The following ROBO2 variants were observed in gnomAD, a reference collection of about 807,000 sequenced individuals.
ROBO2 encodes the protein roundabout guidance receptor 2, also known as roundabout homolog 2.
In ROBO2, 53 loss-of-function variants were observed where a neutral mutation model predicts 160.8. That is an observed-to-expected ratio of 0.33 (90% CI 0.26 to 0.41). The LOEUF (loss-of-function observed/expected upper bound fraction) is 0.41. Ranked by LOEUF, ROBO2 falls within the 10% of genes least tolerant of loss-of-function variation. The pLI is 1.00. For synonymous variants in ROBO2, 664 were observed against 611.7 expected, an observed-to-expected ratio of 1.09 and a Z score of -1.26; for missense variants, 1,577 against 1,722.4, an observed-to-expected ratio of 0.92 and a Z score of 1.49.
intron 2 of ROBO2, among the ~76,000 whole-genome samples, chr3:76,629,819 A>G (rs1167239427): frequency 6.6e-6 from 1 of 152,216 alleles, no homozygotes; most frequent in Non-Finnish European, 1.5e-5. Context: ...TAGTAATATA[A>G]TCTAAGTGAA....
At chr3:76,904,021 T>C (rs1163017173) in intron 2 of ROBO2, among the ~76,000 whole-genome samples, 2 of 152,166 alleles carry the variant, frequency 1.3e-5, no homozygotes, top group Non-Finnish European at 2.9e-5. Context: ...CAGTCTCTAT[T>C]ACCTTCACAA....
chr3:76,818,320 TC>T (rs1379508277), intron 2 of ROBO2, among the ~76,000 whole-genome samples: 12 of 151,962 alleles, frequency 7.9e-5, no homozygotes, highest in African/African-American at 2.9e-4. Context: ...CCTGTCCTTA[TC>T]CCACTTTTTG....
At chr3:77,306,879 T>C (rs1162452465) in intron 2 of ROBO2, among the ~76,000 whole-genome samples, 1 of 152,180 alleles carries the variant, frequency 6.6e-6, no homozygotes, top group Non-Finnish European at 1.5e-5. Flanking sequence ...GTCATGCTAA[T>C]AGTGTTTCGC....
At position 76,831,105 on chromosome 3, in the gene ROBO2, C is replaced by A. The variant is rs1042662927; in HGVS notation, c.110-266909C>A. On this transcript the variant is annotated intron_variant, in intron 2 of 26. Transcript: ENST00000487694. ...CAGCATTTATCACAGTTTGCTAGGT[C>A]TTCTTCAATGAATTTTTGAGTCCAA... Among the ~76,000 whole-genome samples, 4 of 152,234 alleles carry A rather than the reference C, an allele frequency of 2.6e-5. No individual in the cohort carries two copies. In the South Asian group the frequency reaches 8.3e-4, roughly 32 times the overall value.
chr3:76,874,190 GTTGT>G (rs1011465959), intron 2 of ROBO2, among the ~76,000 whole-genome samples: 2 of 149,502 alleles, frequency 1.3e-5, no homozygotes, highest in African/African-American at 2.5e-5. Context: ...GTAAAAGTTG[GTTGT>G]TTGTTTTCAG....
Position 76,943,702 on chromosome 3 carries a change from CT to C in ROBO2, c.110-154303del, listed in dbSNP as rs201248243. On this transcript the variant is annotated intron_variant, in intron 2 of 26. Transcript: ENST00000487694. ...AGAAAAGCCACTGTTTGTATCAGTA[CT>C]TTTTTTTTCTACTGGTTCCTTGAAA... Among the ~76,000 whole-genome samples the C allele has an allele frequency of 2.6e-5, 4 of 151,750 alleles. No homozygotes were observed. The South Asian group carries it at 6.3e-4, about 24-fold the overall frequency.
chr3:76,161,869 C>T (rs992321897), intron 2 of ROBO2, among the ~76,000 whole-genome samples: 1 of 152,146 alleles, frequency 6.6e-6, no homozygotes, highest in Admixed American at 6.5e-5. Context: ...CAGTAGCTGT[C>T]ATACATCATA....
At chr3:76,685,210 T>G (rs1020496) in intron 2 of ROBO2, among the ~76,000 whole-genome samples, 70,320 of 139,480 alleles carry the variant, frequency 0.5, 17,681 homozygotes, top group East Asian at 0.74. Flanking sequence ...TTTTTTTTTT[T>G]CCAGTAATTT....
At chr3:76,686,176 T>C (rs1367608988) in intron 2 of ROBO2, among the ~76,000 whole-genome samples, 1 of 152,070 alleles carries the variant, frequency 6.6e-6, no homozygotes, top group Non-Finnish European at 1.5e-5. Flanking sequence ...TTTCTGTTAG[T>C]TTTCTGGTTG....
At chr3:77,005,154 C>G (rs1373593262) in intron 2 of ROBO2, among the ~76,000 whole-genome samples, 1 of 152,196 alleles carries the variant, frequency 6.6e-6, no homozygotes, top group Non-Finnish European at 1.5e-5. Flanking sequence ...TGTCAAACCT[C>G]TCCCCATTCA....
chr3:76,549,538 GT>G (rs2083297726), intron 2 of ROBO2, among the ~76,000 whole-genome samples: 1 of 152,288 alleles, frequency 6.6e-6, no homozygotes, highest in Admixed American at 6.5e-5. Flanking sequence ...TTGTAATCAA[GT>G]TGATATTTCA....
chr3:76,209,037 T>C (rs887548342), intron 2 of ROBO2, among the ~76,000 whole-genome samples: 4 of 152,130 alleles, frequency 2.6e-5, no homozygotes, highest in Admixed American at 6.6e-5. Context: ...TAGTTGAAAA[T>C]GGGCAAAAAA....
At chr3:76,603,372 A>AAAAT (rs2087385402) in intron 2 of ROBO2, among the ~76,000 whole-genome samples, 1 of 137,472 alleles carries the variant, frequency 7.3e-6, no homozygotes, top group African/African-American at 2.7e-5. Flanking sequence ...ATATATATAT[A>AAAAT]TATATATATA....
chr3:76,453,099 C>T (rs1014788101), intron 2 of ROBO2, among the ~76,000 whole-genome samples: 1 of 152,098 alleles, frequency 6.6e-6, no homozygotes, highest in African/African-American at 2.4e-5. Context: ...GAGTAGGTTG[C>T]AAAAATTTTC....
chr3:76,394,734 A>G lies in ROBO2; in HGVS notation c.109+457132A>G, dbSNP rs578192594. ...CCAACGATCAAAAGAGACAAAGGCC[A>G]TTACATAACGGTAAAGGGATCAATT... On this transcript the variant is annotated intron_variant, in intron 2 of 26. Transcript: ENST00000487694. Among the ~76,000 whole-genome samples the G allele has an allele frequency of 6.6e-5, 10 of 152,270 alleles. No individual in the cohort carries two copies. The South Asian group carries it at 2.1e-3, about 32-fold the overall frequency.
chr3:77,310,705 A>T (rs2063471771), intron 2 of ROBO2, among the ~76,000 whole-genome samples: 1 of 151,994 alleles, frequency 6.6e-6, no homozygotes, highest in Non-Finnish European at 1.5e-5. Context: ...TTTTTTTCAG[A>T]ACAGTTATCC....
At chr3:76,849,041 C>G (rs1164130729) in intron 2 of ROBO2, among the ~76,000 whole-genome samples, 3 of 152,006 alleles carry the variant, frequency 2.0e-5, no homozygotes, top group Non-Finnish European at 2.9e-5. Flanking sequence ...CATTTTTGCC[C>G]AAGTGTCACC....
chr3:76,757,503 G>C (rs1275887575), intron 2 of ROBO2, among the ~76,000 whole-genome samples: 1 of 151,838 alleles, frequency 6.6e-6, no homozygotes, highest in Non-Finnish European at 1.5e-5. Flanking sequence ...AGGTGGGGTT[G>C]TTGGCCCTGA....
chr3:77,344,098 T>C (rs1438710816), intron 2 of ROBO2, among the ~76,000 whole-genome samples: 7 of 151,990 alleles, frequency 4.6e-5, no homozygotes, highest in Non-Finnish European at 7.4e-5. Flanking sequence ...AACATGACCT[T>C]GATATAGCAG....
Sources: allele counts gnomAD v4.1 joint callset (sites outside exome capture counted in the v4.1 genomes callset), GRCh38; gene constraint gnomAD v4.1.1; transcripts MANE v1.5; gene names NCBI Gene and HGNC (gene_info 2026-07-23, HGNC 2026-07-21).